CACNA2D3: variants seen among roughly 807,000 people sequenced by gnomAD.
CACNA2D3 encodes calcium voltage-gated channel auxiliary subunit alpha2delta 3.
Under a neutral mutation model 160.6 loss-of-function variants are expected in CACNA2D3, and 60 were observed. That is an observed-to-expected ratio of 0.37 (90% CI 0.30 to 0.46). CACNA2D3 has a LOEUF of 0.46. Among genes scored for constraint, CACNA2D3 ranks in the 20% least tolerant of loss-of-function variants. CACNA2D3 has a pLI of 1.00. For missense variants in CACNA2D3, 1,205 were observed against 1,365.0 expected (o/e 0.88, Z 1.85); for synonymous variants, 558 against 492.9 (o/e 1.13, Z -1.75).
chr3:54,516,162 C>G (rs956281869), intron 5 of CACNA2D3, among the ~76,000 whole-genome samples: 8 of 152,174 alleles, frequency 5.3e-5, no homozygotes, highest in African/African-American at 1.9e-4. Flanking sequence ...GGATAAGGTG[C>G]CCTCTCTCAG....
intron 3 of CACNA2D3, among the ~76,000 whole-genome samples, chr3:54,336,991 G>A (rs1704395992): frequency 6.6e-6 from 1 of 152,160 alleles, no homozygotes; most frequent in African/African-American, 2.4e-5. Context: ...AAATCAAGAT[G>A]GGGCCTTGCA....
At chr3:54,472,794 A>G (rs1700757166) in intron 4 of CACNA2D3, among the ~76,000 whole-genome samples, 3 of 152,198 alleles carry the variant, frequency 2.0e-5, no homozygotes, top group Admixed American at 2.0e-4. Flanking sequence ...CAATTGCTAC[A>G]AAGAGAATAA....
chr3:54,190,002 A>C (rs535489788), intron 2 of CACNA2D3, among the ~76,000 whole-genome samples: 22 of 152,244 alleles, frequency 1.4e-4, no homozygotes, highest in Non-Finnish European at 3.1e-4. Context: ...TATAAACAAC[A>C]GAAATTTATT....
intron 3 of CACNA2D3, among the ~76,000 whole-genome samples, chr3:54,363,768 G>C (rs1465611907): frequency 6.6e-6 from 1 of 152,198 alleles, no homozygotes; most frequent in Non-Finnish European, 1.5e-5. Flanking sequence ...ATGACAATGA[G>C]GATTGGATGG....
intron 5 of CACNA2D3, among the ~76,000 whole-genome samples, chr3:54,528,898 G>T (rs181986650): frequency 3.3e-5 from 5 of 152,288 alleles, no homozygotes; most frequent in African/African-American, 1.2e-4. Flanking sequence ...ATTAGTGTGG[G>T]GACTTAAGTG....
chr3:54,499,430 A>G (rs1202907707), intron 4 of CACNA2D3, among the ~76,000 whole-genome samples: 1 of 152,140 alleles, frequency 6.6e-6, no homozygotes, highest in African/African-American at 2.4e-5. Context: ...AATAAAAAAT[A>G]TACATTTTTT....
intron 11 of CACNA2D3, among the ~76,000 whole-genome samples, chr3:54,717,576 ATGTG>A (rs1433732679): frequency 1.2e-5 from 1 of 85,356 alleles, no homozygotes; most frequent in South Asian, 4.0e-4. Flanking sequence ...TGTGGTGTGT[ATGTG>A]TGCGTGTGTG....
At chr3:54,451,061 G>C (rs2106816799) in intron 4 of CACNA2D3, among the ~76,000 whole-genome samples, 1 of 152,098 alleles carries the variant, frequency 6.6e-6, no homozygotes, top group East Asian at 1.9e-4. Context: ...TAGGCTTTAA[G>C]GCCTGAGAAT....
At chr3:54,651,913 C>A (rs867237458) in intron 11 of CACNA2D3, among the ~76,000 whole-genome samples, 1 of 152,184 alleles carries the variant, frequency 6.6e-6, no homozygotes, top group Non-Finnish European at 1.5e-5. Flanking sequence ...CCCAACCCTT[C>A]ACTCATCTTA....
intron 27 of CACNA2D3, among the ~76,000 whole-genome samples, chr3:54,906,099 T>C (rs1299668164): frequency 6.6e-6 from 1 of 152,100 alleles, no homozygotes; most frequent in Non-Finnish European, 1.5e-5. Flanking sequence ...TCCACACAAA[T>C]GCTGCAGCAA....
chr3:54,161,551 G>A (rs1348510322), intron 2 of CACNA2D3, among the ~76,000 whole-genome samples: 1 of 152,170 alleles, frequency 6.6e-6, no homozygotes, highest in African/African-American at 2.4e-5. Context: ...TGCTGACAAA[G>A]CTCAGGCTTA....
chr3:54,243,305 G>A (rs968106801), intron 2 of CACNA2D3, among the ~76,000 whole-genome samples: 6 of 152,164 alleles, frequency 3.9e-5, no homozygotes, highest in Non-Finnish European at 7.3e-5. Flanking sequence ...CAGAAGAATC[G>A]GCCAAAAATG....
At chr3:54,750,775 CTT>C (rs36019615) in intron 11 of CACNA2D3, among the ~76,000 whole-genome samples, 14 of 144,178 alleles carry the variant, frequency 9.7e-5, no homozygotes, top group African/African-American at 1.0e-4. Context: ...TGGATCTTTG[CTT>C]TTTTTTTTTT....
intron 27 of CACNA2D3, among the ~76,000 whole-genome samples, chr3:54,927,744 A>G (rs1333091761): frequency 6.6e-6 from 1 of 152,112 alleles, no homozygotes; most frequent in Non-Finnish European, 1.5e-5. Context: ...TGCACCCAAC[A>G]TGCGCAAACA....
intron 3 of CACNA2D3, among the ~76,000 whole-genome samples, chr3:54,326,253 G>A (rs956548888): frequency 1.3e-5 from 2 of 152,142 alleles, no homozygotes; most frequent in Non-Finnish European, 2.9e-5. Flanking sequence ...CAGAAAAATG[G>A]ATTTTTCTCT....
intron 27 of CACNA2D3, among the ~76,000 whole-genome samples, chr3:54,919,179 G>A (rs1366976964): frequency 1.3e-5 from 2 of 152,192 alleles, no homozygotes; most frequent in South Asian, 2.1e-4. Flanking sequence ...CAATGCAAAA[G>A]CTGACAAGAA....
chr3:54,226,391 C>T (rs1277695255), intron 2 of CACNA2D3, among the ~76,000 whole-genome samples: 1 of 147,182 alleles, frequency 6.8e-6, no homozygotes, highest in Non-Finnish European at 1.5e-5. Context: ...GCTCTGCAAC[C>T]TCCTGGGCTC....
intron 11 of CACNA2D3, among the ~76,000 whole-genome samples, chr3:54,684,040 G>A (rs1700404307): frequency 7.1e-6 from 1 of 141,308 alleles, no homozygotes; most frequent in Non-Finnish European, 1.5e-5. Flanking sequence ...GTGCTATCTC[G>A]GCTCACTGCA....
chr3:54,463,125 G>T (rs1700539731), intron 4 of CACNA2D3, among the ~76,000 whole-genome samples: 1 of 152,100 alleles, frequency 6.6e-6, no homozygotes, highest in Admixed American at 6.5e-5. Flanking sequence ...CTGGCTTGTA[G>T]AGTTTCCGCC....
Sources: gnomAD v4.1 joint callset for allele counts (sites outside exome capture counted in the v4.1 genomes callset) on GRCh38, gnomAD v4.1.1 for gene constraint, MANE v1.5 for transcripts, NCBI Gene and HGNC (gene_info 2026-07-23, HGNC 2026-07-21) for gene names.